Variants in RGP1 observed in about 807,000 individuals in gnomAD.
RGP1 encodes RGP1 partner of RAB6A GEF complex, also known as RAB6A-GEF complex partner protein 2.
A neutral mutation model predicts 44.5 loss-of-function variants in RGP1; 28 were observed. The observed-to-expected ratio is 0.63, with a 90% CI of 0.47 to 0.86. RGP1 has a LOEUF of 0.86. Among genes scored for constraint, RGP1 ranks in the 40% least tolerant of loss-of-function variants. The pLI is 0.00. For missense variants in RGP1, 417 were observed against 490.7 expected (o/e 0.85, Z 1.42); for synonymous variants, 212 against 196.7 (o/e 1.08, Z -0.65).
chr9:35,753,383 T>C lies in RGP1; in HGVS notation c.*509T>C. 2 of 1,301,466 alleles carry C rather than the reference T, an allele frequency of 1.5e-6. No homozygotes were observed. Among genetic ancestry groups the C allele is most frequent in the Non-Finnish European group, 2.1e-6 (2 of 946,932 alleles). The allele number at this position is 1,301,466 out of a possible 1,614,324, so 80.6% of individuals were successfully genotyped here. Reference sequence around the variant, plus strand: ...ACAGTTTTCCCCCCACAGAGCCCCTTTCAGTGGCCCCTTGGTCCTCCTAAC... The same window carrying C: ...ACAGTTTTCCCCCCACAGAGCCCCTCTCAGTGGCCCCTTGGTCCTCCTAAC... On this transcript the variant is annotated 3_prime_UTR_variant, in exon 9 of 9. Transcript: ENST00000378078. The surrounding 1 kb of genome is among the most constrained non-coding windows in gnomAD (Gnocchi z 4.2).
At chr9:35,770,541 T>TGGAGA in the RGP1 span, among the ~76,000 whole-genome samples, 1 of 76,522 alleles carries the variant, frequency 1.3e-5, no homozygotes, top group African/African-American at 5.2e-5. Context: ...GAGAGAGAGT[T>TGGAGA]GAGTGGAAAA....
chr9:35,776,361 A>G, the RGP1 span, among the ~76,000 whole-genome samples: 1 of 150,522 alleles, frequency 6.6e-6, no homozygotes, highest in Non-Finnish European at 1.5e-5. Flanking sequence ...ATCTCGGTTC[A>G]CTGCAACCTT....
rs542755234 is a variant in RGP1 at position 35,755,436 on chromosome 9, T to G, written c.*2562T>G. ...ATGGCTGTCTCCTGGCATAGACCTC[T>G]GCACCTTTCACACTCATACTCCTTG... On this transcript the variant is annotated 3_prime_UTR_variant, in exon 9 of 9. Transcript: ENST00000378078. The G allele has an allele frequency of 2.0e-5, 3 of 152,430 alleles. No individual in the cohort carries two copies. The highest frequency in any genetic ancestry group is 3.9e-4 in the East Asian group (2 of 5,194). 9.4% of individuals were successfully genotyped at this position (152,430 alleles called of 1,614,324 possible).
chr9:35,771,780 TGTAA>T, the RGP1 span, among the ~76,000 whole-genome samples: 4 of 152,258 alleles, frequency 2.6e-5, no homozygotes, highest in African/African-American at 9.6e-5. Context: ...ACTTTGTTCA[TGTAA>T]GTGAGTTTTA....
rs1563973702 is a variant in RGP1 at position 35,751,711 on chromosome 9, T to G, written c.719T>G (p.Val240Gly). ...GTGTACAGACTTGGCGAGGACGTGG[T>G]GGGGACCTTAAACTTAGGGGAAGGA... is the stretch of plus-strand genomic sequence containing the variant. ...KSVYRLGEDV[V>G]GTLNLGEGTV... is the part of the protein sequence containing the mutation. Residue 240 changes from valine (V) to glycine (G), a missense_variant, in exon 7 of 9, where the codon GTG becomes GGG. By Grantham distance (109) the Val-to-Gly change is moderately radical (BLOSUM62 -3). Transcript: ENST00000378078. 1.2e-5 allele frequency: 20 copies of G among 1,613,904 alleles called. No individual in the cohort carries two copies. The highest frequency in any genetic ancestry group is 1.5e-5 in the Non-Finnish European group (18 of 1,179,866).
At chr9:35,789,705 A>G in the RGP1 span, among the ~76,000 whole-genome samples, 4 of 152,344 alleles carry the variant, frequency 2.6e-5, no homozygotes, top group African/African-American at 7.2e-5. Context: ...TGAGGGCTGC[A>G]GGTGTTCCAG....
chr9:35,750,174 T>C, intron 2 of RGP1, 69 bp from the exon 3 acceptor site: 1 of 1,560,198 alleles, frequency 6.4e-7, no homozygotes, highest in Non-Finnish European at 8.6e-7. Flanking sequence ...GATGGTGTGA[T>C]AGGGAGCTTG....
Position 35,749,492 on chromosome 9 carries a change from G to A in RGP1, c.-20+84G>A, listed in dbSNP as rs915309460. The A allele has an allele frequency of 1.5e-5, 10 of 657,644 alleles. No homozygotes were observed. The highest frequency in any genetic ancestry group is 2.7e-4 in the Middle Eastern group (1 of 3,726). 40.7% of individuals were successfully genotyped at this position (657,644 alleles called of 1,614,324 possible). A position where few individuals can be genotyped will look rare whatever the true frequency, so the allele number is the denominator to read the frequency against. ...AGGCCAGTTTGGGAACTCCGCGGGG[G>A]TGCCCAGGGAGAAGAACCCGTCGCA... is the stretch of plus-strand genomic sequence containing the variant. On this transcript the variant is annotated intron_variant, in intron 1 of 8. Transcript: ENST00000378078. This position sits in a 1 kb window ranked among gnomAD's most constrained non-coding sequence, Gnocchi z 4.4.
the RGP1 span, among the ~76,000 whole-genome samples, chr9:35,764,228 A>G: frequency 4.6e-5 from 7 of 152,350 alleles, no homozygotes; most frequent in South Asian, 1.4e-3. Context: ...GTTAATTTCA[A>G]TTCTTAGCAC....
At chr9:35,763,055 A>G (rs909052422), downstream of RGP1, among the ~76,000 whole-genome samples, 1 of 152,314 alleles carries the variant, frequency 6.6e-6, no homozygotes, top group East Asian at 1.9e-4. Context: ...TTAGAATTCA[A>G]TGAAAGCTTC....
In RGP1 at chr9:35,750,571, C is replaced by T. The variant is rs545067442; in HGVS notation, c.254-87C>T. ...TTCACAGCAGGGACGGAGGGCCTGGCAGCCTTTCACTATCTCCACTTGCCG... is the reference window on the plus strand; with the variant it reads ...TTCACAGCAGGGACGGAGGGCCTGGTAGCCTTTCACTATCTCCACTTGCCG... On this transcript the variant is annotated intron_variant, in intron 3 of 8. Transcript: ENST00000378078. 2.8e-5 allele frequency: 41 copies of T among 1,449,010 alleles called. No homozygotes were observed. The East Asian group carries it at 8.5e-4, about 30-fold the overall frequency. The allele number at this position is 1,449,010 out of a possible 1,614,324, so 89.8% of individuals were successfully genotyped here. A position where few individuals can be genotyped will look rare whatever the true frequency, so the allele number is the denominator to read the frequency against.
chr9:35,787,228 C>T, the RGP1 span, among the ~76,000 whole-genome samples: 1 of 150,620 alleles, frequency 6.6e-6, no homozygotes, highest in Non-Finnish European at 1.5e-5. Flanking sequence ...GCAGCGCCCA[C>T]CGCTGCCCCC....
Position 35,752,955 on chromosome 9 carries a change from C to T in RGP1, c.*81C>T. The T allele has an allele frequency of 6.5e-7, 1 of 1,539,752 alleles. No individual in the cohort carries two copies. Among genetic ancestry groups the T allele is most frequent in the Non-Finnish European group, 8.9e-7 (1 of 1,128,060 alleles). On this transcript the variant is annotated 3_prime_UTR_variant, in exon 9 of 9. Coordinates refer to ENST00000378078, the MANE Select transcript of RGP1 (RefSeq NM_001080496.3). ...CTCTAATGGGACCCACTTTTTCCAC[C>T]TGGGGTCCAATGTCGTGGACAGTGA...
At chr9:35,767,788 A>G in the RGP1 span, among the ~76,000 whole-genome samples, 1 of 152,072 alleles carries the variant, frequency 6.6e-6, no homozygotes, top group Non-Finnish European at 1.5e-5. Flanking sequence ...TAATAGGAAA[A>G]GAAATGTAGA....
At chr9:35,750,020 G>A in intron 2 of RGP1, 149 bp downstream of exon 2, 1 of 859,554 alleles carries the variant, frequency 1.2e-6, no homozygotes, top group South Asian at 1.7e-5. Flanking sequence ...TTTAACAGAA[G>A]ATGTGGATGA....
chr9:35,775,593 C>T, the RGP1 span, among the ~76,000 whole-genome samples: 1 of 152,192 alleles, frequency 6.6e-6, no homozygotes, highest in Non-Finnish European at 1.5e-5. Flanking sequence ...TTACTACACA[C>T]GCTTCCACAT....
intron 6 of RGP1, 75 bp downstream of exon 6, chr9:35,751,487 C>T (rs1827263949): frequency 1.9e-6 from 3 of 1,600,152 alleles, no homozygotes; most frequent in African/African-American, 1.3e-5. Context: ...AGTCTCCTAA[C>T]CACCACACAC....
chr9:35,765,020 G>T, the RGP1 span, among the ~76,000 whole-genome samples: 1 of 151,964 alleles, frequency 6.6e-6, no homozygotes, highest in Non-Finnish European at 1.5e-5. Flanking sequence ...CAGCTACTCA[G>T]GAGGCTGAGG....
At chr9:35,786,041 T>C in the RGP1 span, among the ~76,000 whole-genome samples, 1 of 152,228 alleles carries the variant, frequency 6.6e-6, no homozygotes, top group Non-Finnish European at 1.5e-5. Context: ...CATATTGCAG[T>C]ACAGTTTTGT....
Sources: allele counts gnomAD v4.1 joint callset (sites outside exome capture counted in the v4.1 genomes callset), GRCh38; gene constraint gnomAD v4.1.1; non-coding constraint Gnocchi (gnomAD v3.1); transcripts MANE v1.5; gene names NCBI Gene and HGNC (gene_info 2026-07-23, HGNC 2026-07-21).